Variants in PKD1L1 observed in about 807,000 individuals in gnomAD.
PKD1L1 encodes the protein polycystin-1-like protein 1.
In PKD1L1, 236 loss-of-function variants were observed where a neutral mutation model predicts 323.4. That is an observed-to-expected ratio of 0.73 (90% CI 0.66 to 0.81). The LOEUF (loss-of-function observed/expected upper bound fraction) is 0.81, where lower values mean the gene tolerates loss of function less well. PKD1L1 is among the 40% of genes least tolerant of loss of function. The pLI, the probability that PKD1L1 is intolerant of heterozygous loss-of-function variation, is 0.00. For missense variants in PKD1L1, 3,320 were observed against 3,508.0 expected (o/e 0.95, Z 1.35); for synonymous variants, 1,344 against 1,335.0 (o/e 1.01, Z -0.15).
rs1787152908 is a variant in PKD1L1, at chr7:47,904,314, T to C, written c.1931+64A>G. The C allele has an allele frequency of 4.4e-6, 7 of 1,601,352 alleles. No homozygotes were observed. In the East Asian group the frequency reaches 1.6e-4, roughly 36 times the overall value. On this transcript the variant is annotated intron_variant, in intron 12 of 56. Coordinates refer to ENST00000289672, the MANE Select transcript of PKD1L1 (RefSeq NM_138295.5). ...TCTCTATGTGGAACCCAAGGGCTGA[T>C]GCCTTAAGACTCTGATTCCCGCGCT...
At chr7:47,953,191 T>C (rs1472963719), upstream of PKD1L1, among the ~76,000 whole-genome samples, 3 of 152,228 alleles carry the variant, frequency 2.0e-5, no homozygotes, top group Non-Finnish European at 4.4e-5. Flanking sequence ...CCTCTGCATT[T>C]ATCTTGTTCC....
chr7:47,808,158 G>A (rs570138517), intron 52 of PKD1L1, 89 bp downstream of exon 52: 38 of 1,483,562 alleles, frequency 2.6e-5, no homozygotes, highest in Middle Eastern at 1.9e-4. Context: ...CTGTTGTCTC[G>A]CACCTTCTAG....
In PKD1L1 at chr7:47,811,853, G is replaced by T. The variant is rs200401472; in HGVS notation, c.7545C>A (p.Ser2515Arg). 4.3e-6 allele frequency: 7 copies of T among 1,609,472 alleles called. No individual in the cohort carries two copies. The Admixed American group carries it at 1.0e-4, about 23-fold the overall frequency. ...TGAGGTGGTACTGCAGGGCTGAGTC[G>T]CTGCGGAAGATGCTGAATGACTCCA... Reference protein sequence around the residue: ...SLVESFSIFRSDSALQYHLML... With the variant: ...SLVESFSIFRRDSALQYHLML... Residue 2515 changes from serine to arginine, a missense_variant, in exon 50 of 57, where the codon AGC becomes AGA. Physicochemically the swap from Ser to Arg is moderately radical, Grantham distance 110. Coordinates refer to ENST00000289672, the MANE Select transcript of PKD1L1 (RefSeq NM_138295.5).
intron 55 of PKD1L1, chr7:47,795,184 T>TC (rs1476166057): frequency 3.0e-6 from 1 of 335,222 alleles, no homozygotes; most frequent in Non-Finnish European, 5.9e-6. Context: ...TTTGGCTGTG[T>TC]CCCTATTCAA....
intron 14 of PKD1L1, among the ~76,000 whole-genome samples, chr7:47,894,272 C>T (rs1164111425): frequency 6.6e-6 from 1 of 152,184 alleles, no homozygotes; most frequent in Non-Finnish European, 1.5e-5. Flanking sequence ...ATCTTCCTAT[C>T]CAAGCTTGTG....
chr7:47,776,601 G>T (rs1184701269), intron 56 of PKD1L1, among the ~76,000 whole-genome samples: 1 of 152,238 alleles, frequency 6.6e-6, no homozygotes, highest in Non-Finnish European at 1.5e-5. Context: ...TGCTGAGAAT[G>T]TAGTAGGTAT....
chr7:47,880,907 G>T, intron 20 of PKD1L1, 102 bp from the exon 21 acceptor site: 1 of 822,404 alleles, frequency 1.2e-6, no homozygotes, highest in South Asian at 1.9e-5. Flanking sequence ...CCCCAGGGGT[G>T]AAATTAACAT....
chr7:47,943,163 A>AAT (rs60168291), intron 2 of PKD1L1, among the ~76,000 whole-genome samples: 65 of 34,140 alleles, frequency 1.9e-3, no homozygotes, highest in Non-Finnish European at 2.5e-3. Flanking sequence ...AAAAAAAAAA[A>AAT]ATATATATAT....
intron 26 of PKD1L1, among the ~76,000 whole-genome samples, chr7:47,859,626 C>A (rs566587986): frequency 3.0e-5 from 3 of 101,146 alleles, no homozygotes; most frequent in African/African-American, 1.0e-4. Flanking sequence ...TAAAGACATA[C>A]ATTTTTTTTT....
Position 47,777,587 on chromosome 7 carries a change from T to C in PKD1L1, c.8527-2421A>G, listed in dbSNP as rs559135067. ...CAGTCAAAACTATTGTCAAAGGTTA[T>C]AAATAATAATATAATTGGGGGCTGC... On this transcript the variant is annotated intron_variant, in intron 56 of 56. Transcript: ENST00000289672. Among the ~76,000 whole-genome samples, 7 of 152,348 alleles carry C rather than the reference T, an allele frequency of 4.6e-5. No homozygotes were observed. The South Asian group carries it at 1.4e-3, about 32-fold the overall frequency.
chr7:47,881,012 G>T (rs1275938755), intron 20 of PKD1L1, among the ~76,000 whole-genome samples: 1 of 151,848 alleles, frequency 6.6e-6, no homozygotes, highest in East Asian at 2.0e-4. Context: ...CATTACTGAG[G>T]ATGGTCCATC....
chr7:47,840,256 TC>T lies in PKD1L1; in HGVS notation c.5552+204del, dbSNP rs1284861195. Among the ~76,000 whole-genome samples, 1 of 152,164 alleles carries T rather than the reference TC, an allele frequency of 6.6e-6. No homozygotes were observed. Among genetic ancestry groups the T allele is most frequent in the Non-Finnish European group, 1.5e-5 (1 of 68,024 alleles). On this transcript the variant is annotated intron_variant, in intron 35 of 56. Coordinates refer to ENST00000289672, the MANE Select transcript of PKD1L1 (RefSeq NM_138295.5). The surrounding 1 kb of genome is among the most constrained non-coding windows in gnomAD (Gnocchi z 4.1). Reference sequence around the variant, plus strand: ...GTAAGTCTTCTTTCCCCACCCTCCTTCCTTCCTTGCCTCGCATAAACCTATT... The same window carrying T: ...GTAAGTCTTCTTTCCCCACCCTCCTTCTTCCTTGCCTCGCATAAACCTATT...
rs780583724 is a variant in PKD1L1 at position 47,931,132 on chromosome 7, T to A, written c.709A>T (p.Ile237Phe). 6 of 1,614,040 alleles carry A rather than the reference T, an allele frequency of 3.7e-6. No individual in the cohort carries two copies. The South Asian group carries it at 6.6e-5, about 18-fold the overall frequency. ...TSSQRVPLWP[I>F]SHFPTSPRSS... Reference sequence around the variant, plus strand: ...CTGGGAGAAGTGGGAAAATGTGAAATCGGCCACAGGGGCACTCGCTGGGAG... The same window carrying A: ...CTGGGAGAAGTGGGAAAATGTGAAAACGGCCACAGGGGCACTCGCTGGGAG... The change falls in exon 6 of 57, where the codon ATT becomes TTT. Residue 237 changes from isoleucine (I) to phenylalanine (F), a missense_variant. By Grantham distance (21) the Ile-to-Phe change is conservative (BLOSUM62 0). Coordinates refer to ENST00000289672, the MANE Select transcript of PKD1L1 (RefSeq NM_138295.5).
intron 36 of PKD1L1, among the ~76,000 whole-genome samples, chr7:47,837,483 G>C (rs1444099563): frequency 6.6e-6 from 1 of 152,146 alleles, no homozygotes; most frequent in Non-Finnish European, 1.5e-5. Context: ...ATGCTTCTCC[G>C]AGCTTCACCT....
chr7:47,921,318 T>C (rs1385046352), intron 7 of PKD1L1, among the ~76,000 whole-genome samples: 2 of 146,288 alleles, frequency 1.4e-5, no homozygotes, highest in Non-Finnish European at 3.0e-5. Context: ...ATCAGGGAAA[T>C]GCAAATCAAA....
chr7:47,943,700 G>T (rs1238328726), intron 1 of PKD1L1, among the ~76,000 whole-genome samples, 189 bp from the exon 2 acceptor site: 1 of 151,922 alleles, frequency 6.6e-6, no homozygotes, highest in Admixed American at 6.6e-5. Context: ...CCAAACTCAG[G>T]GTCTGTTTTA....
intron 52 of PKD1L1, among the ~76,000 whole-genome samples, chr7:47,804,430 T>C (rs1310360432): frequency 1.3e-5 from 2 of 151,698 alleles, no homozygotes; most frequent in African/African-American, 4.8e-5. Flanking sequence ...TGTCAATATG[T>C]AACCAACATA....
intron 46 of PKD1L1, 87 bp downstream of exon 46, chr7:47,820,989 G>A (rs1328891236): frequency 4.0e-6 from 3 of 744,456 alleles, no homozygotes; most frequent in Non-Finnish European, 6.9e-6. Flanking sequence ...TATTTCATAT[G>A]TGGGATGTGA....
Position 47,846,993 on chromosome 7 carries a change from A to G in PKD1L1, c.5039T>C (p.Val1680Ala). The G allele has an allele frequency of 6.2e-7, 1 of 1,612,574 alleles. No homozygotes were observed. The highest frequency in any genetic ancestry group is 8.5e-7 in the Non-Finnish European group (1 of 1,179,288). Residue 1680 changes from valine to alanine, a missense_variant, in exon 32 of 57, where the codon GTG becomes GCG. Physicochemically the swap from Val to Ala is moderately conservative, Grantham distance 64. Coordinates refer to ENST00000289672, the MANE Select transcript of PKD1L1 (RefSeq NM_138295.5). Reference protein sequence around the residue: ...KPPNRYLAKAVNYTVHFQWIR... With the variant: ...KPPNRYLAKAANYTVHFQWIR... Reference sequence around the variant, plus strand: ...CCACTGGAAATGTACTGTATAGTTCACTGCCTTAGCTAAATATCTGTTTGG... The same window carrying G: ...CCACTGGAAATGTACTGTATAGTTCGCTGCCTTAGCTAAATATCTGTTTGG...
Sources: gnomAD v4.1 joint callset for allele counts (sites outside exome capture counted in the v4.1 genomes callset) on GRCh38, gnomAD v4.1.1 for gene constraint, Gnocchi (gnomAD v3.1) non-coding constraint, MANE v1.5 for transcripts, NCBI Gene and HGNC (gene_info 2026-07-23, HGNC 2026-07-21) for gene names.